The following C8orf34 variants were observed in gnomAD, a reference collection of about 807,000 sequenced individuals.
The protein encoded by C8orf34 is uncharacterized protein C8orf34.
In C8orf34, 65 loss-of-function variants were observed where a neutral mutation model predicts 68.3. That is an observed-to-expected ratio of 0.95 (90% CI 0.78 to 1.17). The LOEUF (loss-of-function observed/expected upper bound fraction) is 1.17. Among genes scored for constraint, C8orf34 ranks in the 50% most tolerant of loss-of-function variants. C8orf34 has a pLI of 0.00. For missense variants in C8orf34, 664 were observed against 655.4 expected (o/e 1.01, Z -0.14); for synonymous variants, 244 against 241.2 (o/e 1.01, Z -0.11).
At chr8:68,659,459 G>GT (rs765945215) in intron 8 of C8orf34, among the ~76,000 whole-genome samples, 16 of 152,150 alleles carry the variant, frequency 1.1e-4, no homozygotes, top group Admixed American at 6.5e-4. Context: ...TCATAAGACT[G>GT]TTTTTTCTTG....
At chr8:68,700,491 T>TTTTTTCTGGGGTAAAA (rs1490242871) in intron 8 of C8orf34, among the ~76,000 whole-genome samples, 3 of 152,058 alleles carry the variant, frequency 2.0e-5, no homozygotes, top group Non-Finnish European at 4.4e-5. Context: ...AGCAGTGACT[T>TTTTTTCTGGGGTAAAA]TTTTTCTGGG....
intron 8 of C8orf34, among the ~76,000 whole-genome samples, chr8:68,664,186 A>T (rs1478262368): frequency 1.3e-5 from 2 of 152,164 alleles, no homozygotes; most frequent in Admixed American, 6.5e-5. Flanking sequence ...AATCTTTAAC[A>T]TAATATTGTC....
At chr8:68,548,465 T>G (rs1180007267) in intron 7 of C8orf34, among the ~76,000 whole-genome samples, 1 of 151,694 alleles carries the variant, frequency 6.6e-6, no homozygotes, top group African/African-American at 2.4e-5. Flanking sequence ...GAAATAAAAA[T>G]TAAAACAACA....
chr8:68,802,289 G>A (rs1177534189), intron 12 of C8orf34, among the ~76,000 whole-genome samples: 7 of 151,160 alleles, frequency 4.6e-5, no homozygotes, highest in African/African-American at 1.5e-4. Flanking sequence ...TAGTAGAGAA[G>A]GGGTTTCTCC....
rs569737764 is a variant in C8orf34 at position 68,613,124 on chromosome 8, C to T, written c.1106-27252C>T. On this transcript the variant is annotated intron_variant, in intron 7 of 13. Coordinates refer to ENST00000518698, the MANE Select transcript of C8orf34 (RefSeq NM_052958.4). ...GAAAGATGCAGTATTACTGAACACACATAGCTGGTGGGTTTCAGTGAGATT... is the reference window on the plus strand; with the variant it reads ...GAAAGATGCAGTATTACTGAACACATATAGCTGGTGGGTTTCAGTGAGATT... Among the ~76,000 whole-genome samples the T allele has an allele frequency of 2.6e-5, 4 of 152,146 alleles. No homozygotes were observed. In the East Asian group the frequency reaches 5.8e-4, roughly 22 times the overall value.
chr8:68,811,974 G>T (rs1203458097), intron 12 of C8orf34, among the ~76,000 whole-genome samples: 4 of 152,158 alleles, frequency 2.6e-5, no homozygotes, highest in African/African-American at 7.2e-5. Context: ...TTTCAGGGTG[G>T]GAGGGATGTG....
rs1463198321 is a variant in C8orf34 at position 68,818,390 on chromosome 8, G to C, written c.*144G>C. The C allele has an allele frequency of 1.1e-6, 1 of 882,338 alleles. No homozygotes were observed. Among genetic ancestry groups the C allele is most frequent in the East Asian group, 2.7e-5 (1 of 37,456 alleles). 54.7% of individuals were successfully genotyped at this position (882,338 alleles called of 1,614,324 possible). On this transcript the variant is annotated 3_prime_UTR_variant, in exon 14 of 14. Coordinates refer to ENST00000518698, the MANE Select transcript of C8orf34 (RefSeq NM_052958.4). Reference sequence around the variant, plus strand: ...TCAATAATAAACAAGTACTATCGTAGCCAGGGGGTGCCCAAGTATGTAATC... The same window carrying C: ...TCAATAATAAACAAGTACTATCGTACCCAGGGGGTGCCCAAGTATGTAATC...
chr8:68,592,840 C>T (rs1308579324), intron 7 of C8orf34, among the ~76,000 whole-genome samples: 1 of 151,896 alleles, frequency 6.6e-6, no homozygotes, highest in Admixed American at 6.6e-5. Context: ...AACTTCTGAC[C>T]TTGTGATTTG....
chr8:68,341,134 GC>G (rs1806052912), intron 1 of C8orf34, among the ~76,000 whole-genome samples: 1 of 152,158 alleles, frequency 6.6e-6, no homozygotes, highest in Non-Finnish European at 1.5e-5. Context: ...AGATCAAGGT[GC>G]CTGGCAGATT....
At chr8:68,522,996 C>T (rs532641865) in intron 6 of C8orf34, among the ~76,000 whole-genome samples, 89 of 152,222 alleles carry the variant, frequency 5.8e-4, no homozygotes, top group African/African-American at 2.0e-3. Flanking sequence ...GGGTTCTTTG[C>T]GGTGACTTAT....
intron 8 of C8orf34, among the ~76,000 whole-genome samples, chr8:68,646,834 T>C (rs1313798048): frequency 3.3e-5 from 5 of 152,226 alleles, no homozygotes; most frequent in African/African-American, 1.2e-4. Flanking sequence ...ATTGTGTATA[T>C]ATATACCACA....
chr8:68,645,362 T>G (rs1819136071), intron 8 of C8orf34, among the ~76,000 whole-genome samples: 1 of 152,216 alleles, frequency 6.6e-6, no homozygotes, highest in Non-Finnish European at 1.5e-5. Context: ...TAAAATGCTT[T>G]GAGCTTTTTT....
intron 1 of C8orf34, among the ~76,000 whole-genome samples, chr8:68,430,365 A>G (rs1028850690): frequency 1.3e-5 from 2 of 152,058 alleles, no homozygotes; most frequent in African/African-American, 4.8e-5. Flanking sequence ...TTTATAATAA[A>G]CCTGTAATAG....
chr8:68,406,505 T>A (rs868553945), intron 1 of C8orf34, among the ~76,000 whole-genome samples: 10 of 151,776 alleles, frequency 6.6e-5, no homozygotes, highest in African/African-American at 2.4e-4. Context: ...TTATTATTAT[T>A]ATTGAGAGAG....
At chr8:68,358,688 CAGAT>C (rs1563374586) in intron 1 of C8orf34, among the ~76,000 whole-genome samples, 1 of 150,154 alleles carries the variant, frequency 6.7e-6, no homozygotes, top group Non-Finnish European at 1.5e-5. Flanking sequence ...TGTTTATTAA[CAGAT>C]TGATTTATTC....
intron 1 of C8orf34, among the ~76,000 whole-genome samples, chr8:68,362,559 C>G (rs941438002): frequency 6.6e-6 from 1 of 152,174 alleles, no homozygotes; most frequent in African/African-American, 2.4e-5. Context: ...GATCTGAGAA[C>G]GGGCAGACTG....
chr8:68,570,523 A>T (rs1816731436), intron 7 of C8orf34, among the ~76,000 whole-genome samples: 1 of 152,224 alleles, frequency 6.6e-6, no homozygotes, highest in African/African-American at 2.4e-5. Flanking sequence ...GATGTATCCA[A>T]TATCATAATA....
Position 68,353,755 on chromosome 8 carries a change from CT to C in C8orf34, c.327+22422del, listed in dbSNP as rs542710671. ...TGCATCTGTAATGAACATGTACAGA[CT>C]TTTTTCTTTGTCATTAGTCTCTAAA... is the stretch of plus-strand genomic sequence containing the variant. On this transcript the variant is annotated intron_variant, in intron 1 of 13. Transcript: ENST00000518698. Among the ~76,000 whole-genome samples, 310 of 151,106 alleles carry C rather than the reference CT, an allele frequency of 2.1e-3. 1 individual carries two copies. Among genetic ancestry groups the C allele is most frequent in the African/African-American group, 6.8e-3 (279 of 41,254 alleles).
intron 3 of C8orf34, among the ~76,000 whole-genome samples, chr8:68,459,594 G>C (rs1221890354): frequency 2.0e-5 from 3 of 152,210 alleles, no homozygotes; most frequent in Non-Finnish European, 4.4e-5. Context: ...ATGGAGAACA[G>C]TACGGAGATT....
Sources: gnomAD v4.1 joint callset for allele counts (sites outside exome capture counted in the v4.1 genomes callset) on GRCh38, gnomAD v4.1.1 for gene constraint, MANE v1.5 for transcripts, NCBI Gene and HGNC (gene_info 2026-07-23, HGNC 2026-07-21) for gene names.